Variants in PCDHA3 observed in about 807,000 individuals in gnomAD.
The protein encoded by PCDHA3 is protocadherin alpha 3, also known as protocadherin alpha-3.
Under a neutral mutation model 62.2 loss-of-function variants are expected in PCDHA3, and 41 were observed. That is an observed-to-expected ratio of 0.66 (90% CI 0.51 to 0.86). PCDHA3 has a LOEUF of 0.86. Among genes scored for constraint, PCDHA3 ranks in the 40% least tolerant of loss-of-function variants. The pLI, the probability that PCDHA3 is intolerant of heterozygous loss-of-function variation, is 0.00. For missense variants in PCDHA3, 1,304 were observed against 1,241.2 expected, an observed-to-expected ratio of 1.05 and a Z score of -0.76; for synonymous variants, 640 against 555.4, an observed-to-expected ratio of 1.15 and a Z score of -2.14.
intron 1 of PCDHA3, among the ~76,000 whole-genome samples, chr5:140,901,404 G>C (rs1047085666): frequency 6.6e-6 from 1 of 152,166 alleles, no homozygotes; most frequent in East Asian, 1.9e-4. Flanking sequence ...GTGAGAGATA[G>C]GGGTCTAGTT....
In PCDHA3 at chr5:140,922,322, GA is replaced by G. The variant is rs2080774913; in HGVS notation, c.2395-56624del. Among the ~76,000 whole-genome samples the G allele has an allele frequency of 2.0e-5, 3 of 152,302 alleles. No homozygotes were observed. The East Asian group carries it at 5.8e-4, about 29-fold the overall frequency. ...AGGATACCTTTCACTGAAGATCTTG[GA>G]AAGGGTTGGTATATTGGTATTTTCT... On this transcript the variant is annotated intron_variant, in intron 1 of 3. Transcript: ENST00000522353.
intron 1 of PCDHA3, chr5:140,877,449 G>A: frequency 1.2e-6 from 2 of 1,613,848 alleles, no homozygotes; most frequent in Non-Finnish European, 1.7e-6. Flanking sequence ...AGCCCGCGCT[G>A]ACGTCCACGG....
chr5:140,970,141 G>T, intron 1 of PCDHA3, among the ~76,000 whole-genome samples: 1 of 152,166 alleles, frequency 6.6e-6, no homozygotes, highest in East Asian at 1.9e-4. Context: ...AAGGGAAAAA[G>T]AATTCTCCCA....
At chr5:140,996,836 C>T (rs1247616398) in intron 3 of PCDHA3, among the ~76,000 whole-genome samples, 43 of 152,096 alleles carry the variant, frequency 2.8e-4, no homozygotes, top group African/African-American at 1.0e-3. Flanking sequence ...AATAATTTAG[C>T]GTGCATCTTC....
chr5:140,833,685 T>C (rs1301344321), intron 1 of PCDHA3, among the ~76,000 whole-genome samples: 2 of 152,124 alleles, frequency 1.3e-5, no homozygotes, highest in South Asian at 2.1e-4. Context: ...CCAAACCTTC[T>C]CTTATTTTGT....
At chr5:140,876,098 A>G in intron 1 of PCDHA3, 2 of 1,613,962 alleles carry the variant, frequency 1.2e-6, no homozygotes, top group Non-Finnish European at 1.7e-6. Flanking sequence ...CCAAAACTCA[A>G]TTTATTGCTG....
At chr5:140,835,789 C>A (rs2150244748) in intron 1 of PCDHA3, 8 of 1,613,106 alleles carry the variant, frequency 5.0e-6, no homozygotes, top group Non-Finnish European at 5.9e-6. Context: ...GAGAACAACC[C>A]GCCGGGCTGC....
intron 1 of PCDHA3, chr5:140,930,379 G>A (rs1249793792): frequency 1.3e-5 from 2 of 151,896 alleles, no homozygotes; most frequent in African/African-American, 2.4e-5. Context: ...GTGGCCCTTG[G>A]CATTTCAAAA....
chr5:140,981,687 ATCAT>A (rs200213847), intron 2 of PCDHA3, among the ~76,000 whole-genome samples: 197 of 152,078 alleles, frequency 1.3e-3, no homozygotes, highest in African/African-American at 4.2e-3. Context: ...CCTCCCTTCC[ATCAT>A]TCATTCATTC....
chr5:140,856,116 G>A, intron 1 of PCDHA3: 2 of 1,598,152 alleles, frequency 1.3e-6, no homozygotes, highest in African/African-American at 2.7e-5. Context: ...CTCGCAGCCT[G>A]GGAGGTGGGG....
At chr5:140,974,372 G>A (rs782769705) in intron 1 of PCDHA3, among the ~76,000 whole-genome samples, 28 of 152,076 alleles carry the variant, frequency 1.8e-4, no homozygotes, top group Non-Finnish European at 4.0e-4. Flanking sequence ...AGCACTTTCT[G>A]TTGTACTGGA....
intron 1 of PCDHA3, among the ~76,000 whole-genome samples, chr5:140,921,954 C>A (rs970694644): frequency 2.0e-5 from 3 of 151,586 alleles, no homozygotes; most frequent in African/African-American, 7.3e-5. Context: ...TGTAAAATCC[C>A]AGAAAACCAA....
At chr5:140,804,897 C>T (rs1465948706) in intron 1 of PCDHA3, 2 of 750,670 alleles carry the variant, frequency 2.7e-6, no homozygotes, top group African/African-American at 3.6e-5. Flanking sequence ...CTTCCCCTCA[C>T]TTCCATTTTC....
At chr5:140,946,019 C>T (rs1014072062) in intron 1 of PCDHA3, among the ~76,000 whole-genome samples, 2 of 151,732 alleles carry the variant, frequency 1.3e-5, no homozygotes, top group African/African-American at 2.4e-5. Context: ...TCCTGCGCAG[C>T]AAAGAAAACA....
intron 1 of PCDHA3, chr5:140,829,054 C>G: frequency 6.2e-7 from 1 of 1,612,720 alleles, no homozygotes; most frequent in Non-Finnish European, 8.5e-7. Flanking sequence ...TCCTCATTGA[C>G]GCCACGGACA....
chr5:140,919,424 T>G (rs1222822099), intron 1 of PCDHA3, among the ~76,000 whole-genome samples: 7 of 152,218 alleles, frequency 4.6e-5, no homozygotes, highest in Non-Finnish European at 2.9e-5. Context: ...CAATTCTGCC[T>G]TTTGATTGGG....
At chr5:140,918,584 A>G (rs1296882763) in intron 1 of PCDHA3, among the ~76,000 whole-genome samples, 1 of 152,212 alleles carries the variant, frequency 6.6e-6, no homozygotes, top group Non-Finnish European at 1.5e-5. Context: ...TATTGGCTAT[A>G]TGTTCTATAG....
At chr5:140,852,880 A>C in intron 1 of PCDHA3, 1 of 943,656 alleles carries the variant, frequency 1.1e-6, no homozygotes, top group Non-Finnish European at 1.3e-6. Context: ...ATAATCATAA[A>C]ACGTATTTTT....
At position 140,848,707 on chromosome 5, in the gene PCDHA3, G is replaced by T. The variant is rs2150418357; in HGVS notation, c.2394+45116G>T. 8 of 1,592,314 alleles carry T rather than the reference G, an allele frequency of 5.0e-6. 3 individuals are homozygous for T. Among genetic ancestry groups the T allele is most frequent in the Middle Eastern group, 3.5e-4 (2 of 5,774 alleles). ...CTGTTCCAGTTGGATTCCAAAGGCC[G>T]CGGGGACCTTCTGGAGGTAAATCTG... On this transcript the variant is annotated intron_variant, in intron 1 of 3. Coordinates refer to ENST00000522353, the MANE Select transcript of PCDHA3 (RefSeq NM_018906.3).
Sources: gnomAD v4.1 joint callset for allele counts (sites outside exome capture counted in the v4.1 genomes callset) on GRCh38, gnomAD v4.1.1 for gene constraint, MANE v1.5 for transcripts, NCBI Gene and HGNC (gene_info 2026-07-23, HGNC 2026-07-21) for gene names.